SAMD3: variants seen among roughly 807,000 people sequenced by gnomAD.
SAMD3 encodes sterile alpha motif domain-containing protein 3.
Under a neutral mutation model 58.5 loss-of-function variants are expected in SAMD3, and 63 were observed. The observed-to-expected ratio is 1.08, with a 90% confidence interval of 0.88 to 1.33. SAMD3 has a LOEUF of 1.33. Among genes scored for constraint, SAMD3 ranks in the 40% most tolerant of loss-of-function variants. The pLI is 0.00. For synonymous variants in SAMD3, 220 were observed against 210.3 expected (o/e 1.05, Z -0.40); for missense variants, 604 against 608.4 (o/e 0.99, Z 0.08).
At chr6:130,251,104 T>C (rs1165111043) in intron 2 of SAMD3, among the ~76,000 whole-genome samples, 2 of 152,344 alleles carry the variant, frequency 1.3e-5, no homozygotes, top group African/African-American at 2.4e-5. Flanking sequence ...CTTGCTATTA[T>C]CTGTCTTTTT....
chr6:130,238,137 T>C (rs1410865160), intron 2 of SAMD3, among the ~76,000 whole-genome samples: 2 of 152,102 alleles, frequency 1.3e-5, no homozygotes, highest in Non-Finnish European at 2.9e-5. Context: ...TACACATTTA[T>C]AAAAAAACAA....
intron 2 of SAMD3, among the ~76,000 whole-genome samples, chr6:130,290,198 C>T (rs10457546): frequency 7.3e-5 from 11 of 151,640 alleles, no homozygotes; most frequent in African/African-American, 1.5e-4. Context: ...ATTTATTTTA[C>T]GGAATTGGTT....
intron 9 of SAMD3, among the ~76,000 whole-genome samples, chr6:130,146,632 G>A (rs1315910125): frequency 6.6e-6 from 1 of 152,134 alleles, no homozygotes; most frequent in East Asian, 1.9e-4. Context: ...CTAAATTTAG[G>A]TAAAGGAGAG....
chr6:130,353,074 G>T (rs1562537368), intron 1 of SAMD3, among the ~76,000 whole-genome samples: 2 of 152,128 alleles, frequency 1.3e-5, no homozygotes, highest in African/African-American at 2.4e-5. Context: ...CTTTTGAAAT[G>T]CTATACTCAC....
chr6:130,182,203 T>C (rs2114697243), intron 7 of SAMD3, among the ~76,000 whole-genome samples: 1 of 152,346 alleles, frequency 6.6e-6, no homozygotes, highest in South Asian at 2.1e-4. Flanking sequence ...ATTGTCAATG[T>C]TGGGATGCCA....
chr6:130,291,875 G>A (rs950883238), intron 2 of SAMD3, among the ~76,000 whole-genome samples: 16 of 152,198 alleles, frequency 1.1e-4, no homozygotes, highest in African/African-American at 3.9e-4. Flanking sequence ...CAGTATGTGG[G>A]CAAATCTGTG....
intron 1 of SAMD3, among the ~76,000 whole-genome samples, chr6:130,360,360 G>A (rs895792289): frequency 6.6e-6 from 1 of 152,188 alleles, no homozygotes; most frequent in African/African-American, 2.4e-5. Flanking sequence ...CGGCCAGGTT[G>A]AGAAATAAAG....
chr6:130,248,220 C>A (rs1773621831), intron 2 of SAMD3, among the ~76,000 whole-genome samples: 2 of 149,886 alleles, frequency 1.3e-5, no homozygotes, highest in Non-Finnish European at 3.0e-5. Context: ...GTGTTCCAAT[C>A]TGAAAAGTTT....
Position 130,315,303 on chromosome 6 carries a change from G to A in SAMD3, c.-303-2210C>T, listed in dbSNP as rs367823730. Among the ~76,000 whole-genome samples the A allele has an allele frequency of 1.2e-3, 190 of 152,250 alleles. 4 individuals carry two copies. The South Asian group carries it at 0.029, about 24-fold the overall frequency. ...AAGTCAAATGCAAATATGGTTTAGAGTGTCAATGAAAACTTGGAATGGAAG... is the reference window on the plus strand; with the variant it reads ...AAGTCAAATGCAAATATGGTTTAGAATGTCAATGAAAACTTGGAATGGAAG... On this transcript the variant is annotated intron_variant, in intron 1 of 13. Coordinates refer to the SAMD3 transcript ENST00000368134.
intron 1 of SAMD3, among the ~76,000 whole-genome samples, chr6:130,334,289 T>A (rs1318302779): frequency 6.6e-6 from 1 of 152,086 alleles, no homozygotes; most frequent in African/African-American, 2.4e-5. Flanking sequence ...TGGAAGATCT[T>A]GCAACACTTC....
chr6:130,308,358 CTATT>C (rs1775984575), intron 2 of SAMD3, among the ~76,000 whole-genome samples: 8 of 25,304 alleles, frequency 3.2e-4, no homozygotes, highest in Admixed American at 1.2e-3. Context: ...GAATTCTATT[CTATT>C]CTATTCTATT....
intron 1 of SAMD3, among the ~76,000 whole-genome samples, chr6:130,318,530 G>C (rs1272129835): frequency 6.6e-6 from 1 of 152,020 alleles, no homozygotes; most frequent in African/African-American, 2.4e-5. Flanking sequence ...CTGAGTTCAA[G>C]TGATTCTTGT....
rs556631941 is a variant in SAMD3, at chr6:130,197,871, G to A, written c.383+11624C>T. On this transcript the variant is annotated intron_variant, in intron 5 of 11. Transcript: ENST00000439090. ...CCATCATATTCCCTGTGGCCTGCAC[G>A]TACACATCCAGATGGCCGGTTCCTG... 6.6e-5 allele frequency among the ~76,000 whole-genome samples: 10 copies of A among 152,224 alleles called. No homozygotes were observed. In the South Asian group the frequency reaches 1.2e-3, roughly 19 times the overall value.
intron 2 of SAMD3, among the ~76,000 whole-genome samples, chr6:130,300,978 A>C (rs985166566): frequency 7.3e-5 from 11 of 151,264 alleles, no homozygotes; most frequent in African/African-American, 2.4e-4. Flanking sequence ...TCAGCCCCCC[A>C]CCTCCAACCA....
intron 8 of SAMD3, among the ~76,000 whole-genome samples, chr6:130,158,741 A>G (rs1383722911): frequency 6.6e-6 from 1 of 152,170 alleles, no homozygotes; most frequent in African/African-American, 2.4e-5. Flanking sequence ...AGTATACTCC[A>G]CAGAGTGGGA....
intron 5 of SAMD3, among the ~76,000 whole-genome samples, chr6:130,198,084 A>G (rs1408136659): frequency 6.6e-6 from 1 of 151,880 alleles, no homozygotes; most frequent in Non-Finnish European, 1.5e-5. Context: ...TACCTACCCA[A>G]ATCCTATAAA....
intron 2 of SAMD3, among the ~76,000 whole-genome samples, chr6:130,252,335 GC>G (rs1443475053): frequency 6.6e-6 from 1 of 151,920 alleles, no homozygotes; most frequent in Admixed American, 6.6e-5. Context: ...ATTAGAGTAA[GC>G]TTTTTTCTCT....
upstream of SAMD3, among the ~76,000 whole-genome samples, chr6:130,225,098 G>A (rs937909645): frequency 1.3e-5 from 2 of 152,120 alleles, no homozygotes; most frequent in African/African-American, 4.8e-5. Flanking sequence ...GAGTGAGCAT[G>A]GGGAAGAAAG....
chr6:130,326,366 C>CTTTTTTTTTTT (rs1444494681), intron 1 of SAMD3, among the ~76,000 whole-genome samples: 3 of 113,266 alleles, frequency 2.6e-5, no homozygotes, highest in Admixed American at 9.0e-5. Context: ...AATGCCTGGT[C>CTTTTTTTTTTT]ATTTTTTTTT....
Sources: allele counts gnomAD v4.1 joint callset (sites outside exome capture counted in the v4.1 genomes callset), GRCh38; gene constraint gnomAD v4.1.1; transcripts MANE v1.5; gene names NCBI Gene and HGNC (gene_info 2026-07-23, HGNC 2026-07-21).